CCSER1: variants seen among roughly 807,000 people sequenced by gnomAD.
CCSER1 encodes serine-rich coiled-coil domain-containing protein 1.
CCSER1 carries 41 observed loss-of-function variants against 82.0 expected under a neutral mutation model. The observed-to-expected ratio is 0.50, with a 90% CI of 0.39 to 0.65. The LOEUF (loss-of-function observed/expected upper bound fraction) is 0.65, where lower values mean the gene tolerates loss of function less well. Among genes scored for constraint, CCSER1 ranks in the 30% least tolerant of loss-of-function variants. The pLI is 0.00. For missense variants in CCSER1, 1,119 were observed against 1,064.2 expected, an observed-to-expected ratio of 1.05 and a Z score of -0.72; for synonymous variants, 414 against 383.9, an observed-to-expected ratio of 1.08 and a Z score of -0.92.
At chr4:91,203,498 A>G (rs981103989) in intron 10 of CCSER1, among the ~76,000 whole-genome samples, 2 of 144,254 alleles carry the variant, frequency 1.4e-5, no homozygotes. Flanking sequence ...GAGGAATTAG[A>G]TAGATAATAA....
At chr4:91,032,795 C>A (rs1410896870) in intron 9 of CCSER1, among the ~76,000 whole-genome samples, 1 of 152,268 alleles carries the variant, frequency 6.6e-6, no homozygotes, top group African/African-American at 2.4e-5. Context: ...ATTACTTGGG[C>A]CCAACCCCAG....
At chr4:90,268,261 T>C (rs1725598005) in intron 1 of CCSER1, among the ~76,000 whole-genome samples, 1 of 152,180 alleles carries the variant, frequency 6.6e-6, no homozygotes, top group African/African-American at 2.4e-5. Flanking sequence ...ATTATAATGT[T>C]GTAATTGTGG....
Position 90,196,880 on chromosome 4 carries a change from T to G in CCSER1, c.-42+69049T>G, listed in dbSNP as rs1578433747. Among the ~76,000 whole-genome samples the G allele has an allele frequency of 3.3e-5, 5 of 152,180 alleles. 1 individual carries two copies. The highest frequency in any genetic ancestry group is 1.2e-4 in the African/African-American group (5 of 41,530). ...TGGAAACCAGATGCATCTGTGGGTT[T>G]TTTCCATACATCAAGCCATCAGTTT... On this transcript the variant is annotated intron_variant, in intron 1 of 10. Transcript: ENST00000509176.
At chr4:91,550,436 A>T (rs935192711) in intron 10 of CCSER1, among the ~76,000 whole-genome samples, 1 of 152,136 alleles carries the variant, frequency 6.6e-6, no homozygotes, top group African/African-American at 2.4e-5. Context: ...TTCTGCTCTG[A>T]TAAGTTGTGG....
At chr4:90,965,535 A>G (rs1402445434) in intron 9 of CCSER1, among the ~76,000 whole-genome samples, 1 of 152,172 alleles carries the variant, frequency 6.6e-6, no homozygotes, top group African/African-American at 2.4e-5. Flanking sequence ...ATTGGCCAAT[A>G]CATTCAAGAT....
chr4:91,095,742 G>A (rs1724444119), intron 10 of CCSER1, among the ~76,000 whole-genome samples: 1 of 152,012 alleles, frequency 6.6e-6, no homozygotes, highest in South Asian at 2.1e-4. Context: ...ATTTACATTG[G>A]TGGCCTTCTG....
chr4:90,895,857 G>A lies in CCSER1; in HGVS notation c.2095-27513G>A, dbSNP rs138727493. Among the ~76,000 whole-genome samples the A allele has an allele frequency of 4.8e-3, 723 of 151,992 alleles. 3 individuals are homozygous for A. Among genetic ancestry groups the A allele is most frequent in the African/African-American group, 0.016 (665 of 41,530 alleles). Reference sequence around the variant, plus strand: ...GAAGAACCAAATGAATAATGCTAAAGTATTTCAAACATATGTTGAATTTAT... The same window carrying A: ...GAAGAACCAAATGAATAATGCTAAAATATTTCAAACATATGTTGAATTTAT... On this transcript the variant is annotated intron_variant, in intron 8 of 10. Transcript: ENST00000509176.
chr4:91,139,298 A>T (rs1306543575), intron 10 of CCSER1, among the ~76,000 whole-genome samples: 1 of 151,904 alleles, frequency 6.6e-6, no homozygotes, highest in Non-Finnish European at 1.5e-5. Flanking sequence ...TCCACCATTG[A>T]TGGGAAACTA....
intron 10 of CCSER1, among the ~76,000 whole-genome samples, chr4:91,183,099 T>C (rs1171815789): frequency 6.6e-6 from 1 of 152,216 alleles, no homozygotes; most frequent in Non-Finnish European, 1.5e-5. Flanking sequence ...CTAATGTGAG[T>C]GATGTAAAAT....
At chr4:90,373,750 G>C (rs1747851164) in intron 3 of CCSER1, among the ~76,000 whole-genome samples, 1 of 152,064 alleles carries the variant, frequency 6.6e-6, no homozygotes, top group South Asian at 2.1e-4. Context: ...TGCTGTTTTT[G>C]TTATGGACCG....
chr4:90,461,130 A>G (rs1235828812), intron 4 of CCSER1, among the ~76,000 whole-genome samples: 2 of 114,156 alleles, frequency 1.8e-5, no homozygotes, highest in Non-Finnish European at 3.2e-5. Flanking sequence ...CAGTGGCGGG[A>G]TCTCGGCTCA....
At chr4:90,138,997 C>T (rs1398689933) in intron 1 of CCSER1, among the ~76,000 whole-genome samples, 3 of 152,144 alleles carry the variant, frequency 2.0e-5, no homozygotes, top group African/African-American at 7.2e-5. Flanking sequence ...TTCCTGTCCC[C>T]ATATAATTGA....
chr4:90,960,783 C>T (rs1020158133), intron 9 of CCSER1, among the ~76,000 whole-genome samples: 5 of 152,152 alleles, frequency 3.3e-5, no homozygotes, highest in East Asian at 1.9e-4. Context: ...TTCTTAGCTA[C>T]AAGACTAGAT....
chr4:90,590,258 G>T (rs1247650775), intron 5 of CCSER1, among the ~76,000 whole-genome samples: 1 of 151,908 alleles, frequency 6.6e-6, no homozygotes, highest in Non-Finnish European at 1.5e-5. Flanking sequence ...TGGGAGCCTG[G>T]GTGACAGAGT....
At chr4:90,541,444 T>C (rs1776097775) in intron 5 of CCSER1, among the ~76,000 whole-genome samples, 1 of 152,100 alleles carries the variant, frequency 6.6e-6, no homozygotes, top group Non-Finnish European at 1.5e-5. Flanking sequence ...CCTTCAAATC[T>C]TATCCCAAAC....
chr4:90,174,387 G>A (rs1732285040), intron 1 of CCSER1, among the ~76,000 whole-genome samples: 1 of 151,888 alleles, frequency 6.6e-6, no homozygotes, highest in Non-Finnish European at 1.5e-5. Context: ...AATATATAAA[G>A]CTCTAATTTT....
chr4:90,367,431 G>T (rs1174149563), intron 3 of CCSER1, among the ~76,000 whole-genome samples: 1 of 151,822 alleles, frequency 6.6e-6, no homozygotes, highest in Admixed American at 6.6e-5. Context: ...GAATTTGTAT[G>T]TAATTAGTAG....
In CCSER1 at chr4:91,007,675, C is replaced by CA. The variant is rs55642634; in HGVS notation, c.2173-78259dup. On this transcript the variant is annotated intron_variant, in intron 9 of 10. Coordinates refer to ENST00000509176, the MANE Select transcript of CCSER1 (RefSeq NM_001145065.2). ...TAAACATTTGTCAATTTTATCTTCT[C>CA]AAAAAAAAAAAAAAAACTCTTTTGT... Among the ~76,000 whole-genome samples, 711 of 133,140 alleles carry CA rather than the reference C, an allele frequency of 5.3e-3. 3 individuals are homozygous for CA. The highest frequency in any genetic ancestry group is 7.2e-3 in the Non-Finnish European group (444 of 61,690). The allele number at this position is 133,140 out of a possible 152,430, so 87.3% of individuals were successfully genotyped here. A position where few individuals can be genotyped will look rare whatever the true frequency, so the allele number is the denominator to read the frequency against.
chr4:91,327,040 C>T (rs1160137913), intron 10 of CCSER1, among the ~76,000 whole-genome samples: 2 of 152,142 alleles, frequency 1.3e-5, no homozygotes, highest in African/African-American at 2.4e-5. Flanking sequence ...TGCAACAGTT[C>T]CAGGCACATG....
Sources: allele counts gnomAD v4.1 joint callset (sites outside exome capture counted in the v4.1 genomes callset), GRCh38; gene constraint gnomAD v4.1.1; transcripts MANE v1.5; gene names NCBI Gene and HGNC (gene_info 2026-07-23, HGNC 2026-07-21).